The following PPP2R5A variants were observed in gnomAD, a reference collection of about 807,000 sequenced individuals.
PPP2R5A encodes the protein serine/threonine-protein phosphatase 2A 56 kDa regulatory subunit alpha isoform.
Under a neutral mutation model 64.2 loss-of-function variants are expected in PPP2R5A, and 25 were observed. The ratio of observed to expected loss-of-function variants is 0.39; its 90% CI spans 0.28 to 0.54. PPP2R5A has a LOEUF of 0.54. Among genes scored for constraint, PPP2R5A ranks in the 20% least tolerant of loss-of-function variants. PPP2R5A has a pLI of 0.67. For missense variants in PPP2R5A, 425 were observed against 576.3 expected, an observed-to-expected ratio of 0.74 and a Z score of 2.69; for synonymous variants, 198 against 201.2, an observed-to-expected ratio of 0.98 and a Z score of 0.13.
chr1:212,309,889 A>G (rs557124512), intron 1 of PPP2R5A, among the ~76,000 whole-genome samples: 1 of 152,328 alleles, frequency 6.6e-6, no homozygotes, highest in East Asian at 1.9e-4. Flanking sequence ...AAAAGTCCTC[A>G]CATCCTAAGG....
chr1:212,345,679 G>A, intron 4 of PPP2R5A, 124 bp from the exon 5 acceptor site: 1 of 837,698 alleles, frequency 1.2e-6, no homozygotes, highest in East Asian at 2.9e-5. Context: ...AATAAAGTCA[G>A]TGTGGTAAGG....
At chr1:212,340,091 C>T (rs912167020) in intron 3 of PPP2R5A, among the ~76,000 whole-genome samples, 1 of 148,886 alleles carries the variant, frequency 6.7e-6, no homozygotes, top group Non-Finnish European at 1.5e-5. Flanking sequence ...CCTGGGAGTT[C>T]GAGACCAGCC....
In PPP2R5A at chr1:212,285,902, A is replaced by C; in HGVS notation, c.-209A>C. On this transcript the variant is annotated 5_prime_UTR_variant, in exon 1 of 13. Transcript: ENST00000261461. ...CCCGGGAGCTCGCCGCGCGCCGGGG[A>C]CCAGGAACCTCCAGCGCTGAGATGT... 2.3e-6 allele frequency: 1 copy of C among 429,460 alleles called. No individual in the cohort carries two copies. The highest frequency in any genetic ancestry group is 3.9e-6 in the Non-Finnish European group (1 of 254,156). 26.6% of individuals were successfully genotyped at this position (429,460 alleles called of 1,614,324 possible).
intron 1 of PPP2R5A, among the ~76,000 whole-genome samples, chr1:212,304,948 G>C (rs1462135326): frequency 1.3e-5 from 2 of 151,418 alleles, no homozygotes; most frequent in African/African-American, 4.9e-5. Context: ...GGCCAGGATG[G>C]TCTTGATCTC....
rs1357058472 is a variant in PPP2R5A at position 212,358,673 on chromosome 1, AT to A, written c.1227-9del. On this transcript the variant is annotated splice_polypyrimidine_tract_variant and intron_variant, in intron 11 of 12. Coordinates refer to ENST00000261461, the MANE Select transcript of PPP2R5A (RefSeq NM_006243.4). ...CAGTATCATAACTCAGGACTGGCTC[AT>A]TTTCATTTCAGGACCATTGTAGCAC... is the stretch of plus-strand genomic sequence containing the variant. The A allele has an allele frequency of 3.1e-6, 5 of 1,596,820 alleles. No individual in the cohort carries two copies. The highest frequency in any genetic ancestry group is 4.3e-6 in the Non-Finnish European group (5 of 1,166,210).
chr1:212,321,952 C>T (rs1162166611), intron 1 of PPP2R5A, among the ~76,000 whole-genome samples: 2 of 148,264 alleles, frequency 1.3e-5, no homozygotes, highest in Admixed American at 6.8e-5. Context: ...TCGGGAGGCC[C>T]AGGCTGGCGG....
rs140354195 is a variant in PPP2R5A at position 212,324,765 on chromosome 1, C to T, written c.182-4370C>T. Reference sequence around the variant, plus strand: ...GACTACAGGTGCCTGCCACCATGCCCGGCTAATTTTTTGTTACTTTTAGTA... The same window carrying T: ...GACTACAGGTGCCTGCCACCATGCCTGGCTAATTTTTTGTTACTTTTAGTA... On this transcript the variant is annotated intron_variant, in intron 1 of 12. Coordinates refer to ENST00000261461, the MANE Select transcript of PPP2R5A (RefSeq NM_006243.4). Among the ~76,000 whole-genome samples the T allele has an allele frequency of 3.4e-4, 51 of 152,144 alleles. 2 individuals carry two copies. Among genetic ancestry groups the T allele is most frequent in the African/African-American group, 9.6e-4 (40 of 41,512 alleles).
chr1:212,354,507 C>T (rs957555434), intron 8 of PPP2R5A, among the ~76,000 whole-genome samples: 8 of 151,624 alleles, frequency 5.3e-5, no homozygotes, highest in African/African-American at 1.2e-4. Context: ...AGCAAGACCT[C>T]GTTTCTACAA....
chr1:212,296,619 G>A (rs1033772406), intron 1 of PPP2R5A, among the ~76,000 whole-genome samples: 1 of 152,178 alleles, frequency 6.6e-6, no homozygotes, highest in Admixed American at 6.5e-5. Context: ...GCCGGGACAA[G>A]TTGCCTGAAT....
chr1:212,326,134 A>G (rs1486532670), intron 1 of PPP2R5A, among the ~76,000 whole-genome samples: 1 of 152,168 alleles, frequency 6.6e-6, no homozygotes, highest in Non-Finnish European at 1.5e-5. Flanking sequence ...TGTAGCATGT[A>G]TGTTGGCTAG....
At chr1:212,348,181 GA>G (rs1032607352) in intron 6 of PPP2R5A, among the ~76,000 whole-genome samples, 29 of 152,298 alleles carry the variant, frequency 1.9e-4, no homozygotes, top group African/African-American at 6.3e-4. Context: ...GGAATTAATT[GA>G]CAGTCCTAAT....
intron 3 of PPP2R5A, among the ~76,000 whole-genome samples, chr1:212,335,725 C>A (rs984193558): frequency 6.6e-6 from 1 of 152,082 alleles, no homozygotes; most frequent in Non-Finnish European, 1.5e-5. Flanking sequence ...TAGAACTGTA[C>A]ACAAGTTTAT....
chr1:212,357,317 C>CT (rs376007639), intron 11 of PPP2R5A, 33 bp downstream of exon 11: 123,338 of 1,038,562 alleles, frequency 0.12, 1,617 homozygotes, highest in African/African-American at 0.29. Context: ...GTATTTTTTT[C>CT]TTTTTTTTTT....
intron 1 of PPP2R5A, among the ~76,000 whole-genome samples, chr1:212,289,559 G>C (rs1297496964): frequency 2.0e-5 from 3 of 152,066 alleles, no homozygotes; most frequent in Non-Finnish European, 4.4e-5. Flanking sequence ...CAGTGTGATA[G>C]AGTTGGGTCT....
chr1:212,334,591 C>A (rs2102436170), intron 3 of PPP2R5A, among the ~76,000 whole-genome samples: 1 of 152,288 alleles, frequency 6.6e-6, no homozygotes, highest in Admixed American at 6.5e-5. Flanking sequence ...ATGACAAATT[C>A]TTTCAGTGTT....
In PPP2R5A at chr1:212,348,375, T is replaced by C; in HGVS notation, c.765-14T>C. 1.9e-6 allele frequency: 3 copies of C among 1,554,902 alleles called. No individual in the cohort carries two copies. The highest frequency in any genetic ancestry group is 2.7e-5 in the African/African-American group (2 of 73,832). On this transcript the variant is annotated splice_polypyrimidine_tract_variant and intron_variant, in intron 6 of 12. Transcript: ENST00000261461. ...TAACTACTTAACCCTTCCCCTGCCT[T>C]TTTTTCCCTCCAGTATTATCAATGG... is the stretch of plus-strand genomic sequence containing the variant.
At chr1:212,329,359 A>G (rs1341236575) in intron 2 of PPP2R5A, 28 bp downstream of exon 2, 2 of 1,438,464 alleles carry the variant, frequency 1.4e-6, no homozygotes, top group Non-Finnish European at 1.9e-6. Context: ...TGTTCCTCAG[A>G]TTTATGTAAA....
At position 212,340,239 on chromosome 1, in the gene PPP2R5A, C is replaced by G. The variant is rs563409160; in HGVS notation, c.481-1949C>G. 7.9e-5 allele frequency among the ~76,000 whole-genome samples: 12 copies of G among 152,260 alleles called. No individual in the cohort carries two copies. The Middle Eastern group carries it at 0.01, about 129-fold the overall frequency. On this transcript the variant is annotated intron_variant, in intron 3 of 12. Transcript: ENST00000261461. ...AGAATCAAAACAAAGGATCTAGAAT[C>G]AAAACAAATGCAGGGCTCAAGTTGC...
intron 3 of PPP2R5A, among the ~76,000 whole-genome samples, chr1:212,339,992 T>A (rs1177339274): frequency 3.6e-4 from 26 of 72,714 alleles, no homozygotes; most frequent in African/African-American, 8.0e-4. Flanking sequence ...ACATGCTGCT[T>A]AAAAAAAAAA....
Sources: allele counts gnomAD v4.1 joint callset (sites outside exome capture counted in the v4.1 genomes callset), GRCh38; gene constraint gnomAD v4.1.1; transcripts MANE v1.5; gene names NCBI Gene and HGNC (gene_info 2026-07-23, HGNC 2026-07-21).